EXOC4: variants seen among roughly 807,000 people sequenced by gnomAD.
The protein encoded by EXOC4 is SEC8-like 1.
EXOC4 carries 71 observed loss-of-function variants against 107.2 expected under a neutral mutation model. The observed-to-expected ratio is 0.66, with a 90% CI of 0.55 to 0.81. EXOC4 has a LOEUF of 0.81. EXOC4 is among the 30% of genes least tolerant of loss of function. The pLI, the probability that EXOC4 is intolerant of heterozygous loss-of-function variation, is 0.00. For missense variants in EXOC4, 1,108 were observed against 1,189.6 expected, an observed-to-expected ratio of 0.93 and a Z score of 1.01; for synonymous variants, 456 against 441.2, an observed-to-expected ratio of 1.03 and a Z score of -0.42.
intron 10 of EXOC4, among the ~76,000 whole-genome samples, chr7:133,695,258 A>T (rs757073180): frequency 3.9e-5 from 6 of 151,952 alleles, no homozygotes; most frequent in African/African-American, 1.5e-4. Context: ...TTTATTTAAC[A>T]TAACGACTTG....
At chr7:133,832,275 G>T (rs899129770) in intron 11 of EXOC4, among the ~76,000 whole-genome samples, 6 of 152,136 alleles carry the variant, frequency 3.9e-5, no homozygotes, top group African/African-American at 1.4e-4. Flanking sequence ...GTCACATTCT[G>T]CACTAAATCC....
At chr7:133,269,403 G>C (rs1484596692) in intron 1 of EXOC4, among the ~76,000 whole-genome samples, 1 of 152,142 alleles carries the variant, frequency 6.6e-6, no homozygotes, top group African/African-American at 2.4e-5. Flanking sequence ...TTACCTCTGT[G>C]AGCCTCTGAT....
chr7:133,525,447 C>G (rs1332928831), intron 9 of EXOC4, among the ~76,000 whole-genome samples: 1 of 152,142 alleles, frequency 6.6e-6, no homozygotes, highest in Non-Finnish European at 1.5e-5. Context: ...TTGGCAGATT[C>G]TTTTTCATGA....
intron 9 of EXOC4, among the ~76,000 whole-genome samples, chr7:133,557,323 T>TTG (rs1473032871): frequency 2.6e-5 from 4 of 151,872 alleles, no homozygotes; most frequent in Admixed American, 6.5e-5. Context: ...TCATTCACTA[T>TTG]ACTCTATATT....
At chr7:133,453,796 T>C (rs1798402349) in intron 7 of EXOC4, among the ~76,000 whole-genome samples, 1 of 152,146 alleles carries the variant, frequency 6.6e-6, no homozygotes, top group Admixed American at 6.5e-5. Context: ...GTTTTCCTTA[T>C]AATATGTAAC....
intron 3 of EXOC4, among the ~76,000 whole-genome samples, chr7:133,289,563 G>T (rs1794358472): frequency 6.6e-6 from 1 of 152,162 alleles, no homozygotes; most frequent in African/African-American, 2.4e-5. Flanking sequence ...AATTTTGGGA[G>T]ACTAATACTG....
chr7:133,295,570 C>T (rs994987327), intron 3 of EXOC4, among the ~76,000 whole-genome samples: 1 of 151,998 alleles, frequency 6.6e-6, no homozygotes, highest in African/African-American at 2.4e-5. Flanking sequence ...AGATGTTTGT[C>T]GTCAGAACAT....
intron 7 of EXOC4, among the ~76,000 whole-genome samples, chr7:133,430,206 G>C (rs1252681109): frequency 6.6e-6 from 1 of 152,192 alleles, no homozygotes; most frequent in Non-Finnish European, 1.5e-5. Flanking sequence ...ACCGTCCCCA[G>C]CTGAACTCCT....
At chr7:133,733,858 G>A (rs1795382861) in intron 10 of EXOC4, among the ~76,000 whole-genome samples, 1 of 152,064 alleles carries the variant, frequency 6.6e-6, no homozygotes, top group South Asian at 2.1e-4. Flanking sequence ...AAATCTTAGG[G>A]TGATCTATTG....
intron 10 of EXOC4, among the ~76,000 whole-genome samples, chr7:133,729,035 C>T (rs1156780106): frequency 6.6e-6 from 1 of 152,146 alleles, no homozygotes; most frequent in Admixed American, 6.5e-5. Context: ...AGTCTAATCT[C>T]TCTTCCACAA....
chr7:133,306,866 A>G (rs1563011361), intron 4 of EXOC4, among the ~76,000 whole-genome samples: 1 of 152,190 alleles, frequency 6.6e-6, no homozygotes, highest in East Asian at 1.9e-4. Flanking sequence ...ATAGCCCTAT[A>G]TTTAATGGCC....
intron 13 of EXOC4, among the ~76,000 whole-genome samples, chr7:133,934,796 A>G (rs1336257105): frequency 1.3e-5 from 2 of 151,968 alleles, no homozygotes; most frequent in African/African-American, 2.4e-5. Context: ...AGAAAACTAA[A>G]TATTTACAAC....
At chr7:133,346,727 C>T (rs1288808020) in intron 5 of EXOC4, among the ~76,000 whole-genome samples, 1 of 152,078 alleles carries the variant, frequency 6.6e-6, no homozygotes, top group Non-Finnish European at 1.5e-5. Flanking sequence ...TGACAGTTCT[C>T]ATGTGATAGA....
rs764247002 is a variant in EXOC4, at chr7:134,007,676, G to T, written c.2528G>T (p.Gly843Val). ...GCCCCGCACTGTGCTGACCCCTCAGGCCTGGGCCACCTGATCTCCTGCATC... is the reference window on the plus strand; with the variant it reads ...GCCCCGCACTGTGCTGACCCCTCAGTCCTGGGCCACCTGATCTCCTGCATC... ...QQHKFQYIFE[G>V]LGHLISCILI... The change falls in exon 17 of 18, where the codon GGC becomes GTC. Residue 843 changes from glycine to valine, a missense_variant and splice_region_variant. Gly to Val is a moderately radical substitution (Grantham distance 109, BLOSUM62 -3). Transcript: ENST00000253861. 1 of 1,612,496 alleles carries T rather than the reference G, an allele frequency of 6.2e-7. No homozygotes were observed. Among genetic ancestry groups the T allele is most frequent in the South Asian group, 1.1e-5 (1 of 90,882 alleles).
rs535477505 is a variant in EXOC4, at chr7:133,750,407, C to G, written c.1515-66918C>G. The stretch of plus-strand genomic sequence containing the variant: ...TTGGTTTTATATGGTGTTCCCTAAT[C>G]GGAGATTCAGAGCACCATTGGTAGC... On this transcript the variant is annotated intron_variant, in intron 10 of 17. Coordinates refer to ENST00000253861, the MANE Select transcript of EXOC4 (RefSeq NM_021807.4). Among the ~76,000 whole-genome samples, 73 of 152,152 alleles carry G rather than the reference C, an allele frequency of 4.8e-4. 2 individuals are homozygous for G. The South Asian group carries it at 0.015, about 30-fold the overall frequency.
At chr7:133,625,347 T>C (rs1458449258) in intron 9 of EXOC4, among the ~76,000 whole-genome samples, 1 of 152,212 alleles carries the variant, frequency 6.6e-6, no homozygotes, top group Non-Finnish European at 1.5e-5. Context: ...ATCCTTATTT[T>C]ATAAATGGGA....
chr7:134,092,957 C>A, the EXOC4 span, among the ~76,000 whole-genome samples: 1 of 143,302 alleles, frequency 7.0e-6, no homozygotes, highest in Non-Finnish European at 1.5e-5. Flanking sequence ...AAGAATGATA[C>A]CTACTGCCAG....
intron 7 of EXOC4, among the ~76,000 whole-genome samples, chr7:133,384,388 T>A (rs1441125234): frequency 6.6e-6 from 1 of 152,172 alleles, no homozygotes; most frequent in Non-Finnish European, 1.5e-5. Flanking sequence ...CCTCCAAAGC[T>A]TATCTCTGTC....
At chr7:133,531,154 T>A (rs1422531579) in intron 9 of EXOC4, among the ~76,000 whole-genome samples, 1 of 152,078 alleles carries the variant, frequency 6.6e-6, no homozygotes, top group East Asian at 1.9e-4. Flanking sequence ...TATATTTTAA[T>A]GGAAATAATA....
Sources: gnomAD v4.1 joint callset for allele counts (sites outside exome capture counted in the v4.1 genomes callset) on GRCh38, gnomAD v4.1.1 for gene constraint, MANE v1.5 for transcripts, NCBI Gene and HGNC (gene_info 2026-07-23, HGNC 2026-07-21) for gene names.